Variants in TTC28 observed in about 807,000 individuals in gnomAD.
The protein encoded by TTC28 is tetratricopeptide repeat domain 28.
TTC28 carries 61 observed loss-of-function variants against 198.0 expected under a neutral mutation model. That is an observed-to-expected ratio of 0.31 (90% CI 0.25 to 0.38). TTC28 has a LOEUF of 0.38. TTC28 is among the 10% of genes least tolerant of loss of function. TTC28 has a pLI of 1.00. For missense variants in TTC28, 2,678 were observed against 3,164.0 expected (o/e 0.85, Z 3.69); for synonymous variants, 1,171 against 1,297.8 (o/e 0.90, Z 2.10).
At chr22:28,403,949 T>A (rs1342718446) in intron 2 of TTC28, among the ~76,000 whole-genome samples, 3 of 152,184 alleles carry the variant, frequency 2.0e-5, no homozygotes, top group Admixed American at 2.0e-4. Flanking sequence ...TAAAGAAACA[T>A]CTGCCCAAAA....
At chr22:28,162,999 A>T in intron 6 of TTC28, 93 bp downstream of exon 6, 1 of 1,384,098 alleles carries the variant, frequency 7.2e-7, no homozygotes, top group Non-Finnish European at 9.5e-7. Flanking sequence ...TTTAAATATA[A>T]ACACACAGAT....
chr22:28,469,577 CAGA>C (rs1450914336), intron 2 of TTC28, among the ~76,000 whole-genome samples: 1 of 152,102 alleles, frequency 6.6e-6, no homozygotes, highest in Non-Finnish European at 1.5e-5. Flanking sequence ...GATTTTACTA[CAGA>C]AGAAGAAGGC....
At chr22:28,109,876 T>C (rs1394172549) in intron 6 of TTC28, among the ~76,000 whole-genome samples, 2 of 152,226 alleles carry the variant, frequency 1.3e-5, no homozygotes, top group Non-Finnish European at 2.9e-5. Flanking sequence ...AATGCCAAGA[T>C]GTGTTCTGTT....
intron 5 of TTC28, among the ~76,000 whole-genome samples, chr22:28,180,539 C>A (rs1309365697): frequency 6.6e-6 from 1 of 152,092 alleles, no homozygotes; most frequent in Non-Finnish European, 1.5e-5. Flanking sequence ...CAGAGCCTCC[C>A]TTTAACAACC....
At chr22:28,448,458 A>AAAAATTTGTTCAAATTTTGAACCAATTC (rs1187093926) in intron 2 of TTC28, among the ~76,000 whole-genome samples, 24 of 152,302 alleles carry the variant, frequency 1.6e-4, no homozygotes, top group Non-Finnish European at 1.8e-4. Flanking sequence ...TAGAAATTTG[A>AAAAATTTGTTCAAATTTTGAACCAATTC]AAAATTTGTT....
At chr22:28,529,564 C>T (rs1049786379) in intron 2 of TTC28, among the ~76,000 whole-genome samples, 16 of 152,210 alleles carry the variant, frequency 1.1e-4, no homozygotes, top group Non-Finnish European at 5.9e-5. Context: ...TGTAGTGGTT[C>T]TCCCAGCATG....
chr22:28,053,118 G>C (rs557811592), intron 12 of TTC28, among the ~76,000 whole-genome samples: 1 of 152,194 alleles, frequency 6.6e-6, no homozygotes, highest in Non-Finnish European at 1.5e-5. Context: ...CAAATGTATC[G>C]GCACGTTGGC....
At chr22:28,382,514 T>G (rs2046511955) in intron 2 of TTC28, among the ~76,000 whole-genome samples, 1 of 152,206 alleles carries the variant, frequency 6.6e-6, no homozygotes, top group African/African-American at 2.4e-5. Flanking sequence ...GACTTGACCT[T>G]TGGTAACTGT....
chr22:28,470,799 A>C (rs1391208829), intron 2 of TTC28, among the ~76,000 whole-genome samples: 1 of 152,222 alleles, frequency 6.6e-6, no homozygotes, highest in East Asian at 1.9e-4. Context: ...TAAGGCAATA[A>C]TATAGAAAAA....
rs1362353970 is a variant in TTC28, at chr22:28,108,035, G to A, written c.1810C>T (p.His604Tyr). Residue 604 changes from histidine to tyrosine, a missense_variant, in exon 7 of 23, where the codon CAC becomes TAC. His to Tyr is a moderately conservative substitution (Grantham distance 83). Coordinates refer to ENST00000397906, the MANE Select transcript of TTC28 (RefSeq NM_001145418.2). The stretch of plus-strand genomic sequence containing the variant: ...TGGACATACTCTCCCCGAGAGCAGT[G>A]GAAATTGCCCAGGTTGCTGAGGGCC... ...ARALSNLGNF[H>Y]CSRGEYVQAA... 4.5e-6 allele frequency: 7 copies of A among 1,551,494 alleles called. No individual in the cohort carries two copies. In the Admixed American group the frequency reaches 5.9e-5, roughly 13 times the overall value.
intron 2 of TTC28, among the ~76,000 whole-genome samples, chr22:28,567,852 A>G (rs1299253506): frequency 3.3e-5 from 5 of 152,064 alleles, no homozygotes; most frequent in Admixed American, 2.0e-4. Flanking sequence ...GAAAAACTGC[A>G]TAAGGGGAAC....
At chr22:28,425,563 G>A (rs1238589587) in intron 2 of TTC28, among the ~76,000 whole-genome samples, 1 of 152,204 alleles carries the variant, frequency 6.6e-6, no homozygotes, top group Non-Finnish European at 1.5e-5. Flanking sequence ...TTGAATGGCT[G>A]ATACATTGTG....
intron 2 of TTC28, among the ~76,000 whole-genome samples, chr22:28,502,764 A>AT (rs768170892): frequency 2.0e-4 from 30 of 152,194 alleles, no homozygotes; most frequent in Non-Finnish European, 4.4e-4. Context: ...TACTGCAAAG[A>AT]TTCTCCAATT....
At chr22:28,443,680 G>A (rs909737579) in intron 2 of TTC28, among the ~76,000 whole-genome samples, 1 of 151,894 alleles carries the variant, frequency 6.6e-6, no homozygotes, top group Non-Finnish European at 1.5e-5. Flanking sequence ...CCTTCAGTGC[G>A]AGCACAGCCA....
chr22:28,165,374 T>C (rs1354554082), intron 5 of TTC28, among the ~76,000 whole-genome samples: 2 of 151,896 alleles, frequency 1.3e-5, no homozygotes, highest in Non-Finnish European at 2.9e-5. Flanking sequence ...GACACATAAT[T>C]GTCAGATTCA....
At chr22:28,567,795 T>C (rs77859104) in intron 2 of TTC28, among the ~76,000 whole-genome samples, 3,019 of 151,422 alleles carry the variant, frequency 0.02, 30 homozygotes, top group Non-Finnish European at 0.027. Flanking sequence ...ACGCAAAACA[T>C]AGGCAAAGGG....
chr22:28,330,473 T>C (rs1327680085), intron 2 of TTC28, among the ~76,000 whole-genome samples: 3 of 152,178 alleles, frequency 2.0e-5, no homozygotes, highest in Non-Finnish European at 4.4e-5. Context: ...AGATACCTTT[T>C]TTGCATCAAT....
chr22:28,527,418 C>T (rs1266713149), intron 2 of TTC28, among the ~76,000 whole-genome samples: 2 of 152,154 alleles, frequency 1.3e-5, no homozygotes, highest in Admixed American at 6.5e-5. Flanking sequence ...TTGAAGTTTG[C>T]CTGTGCCCAA....
chr22:28,603,413 G>T, intron 2 of TTC28, among the ~76,000 whole-genome samples: 1 of 151,002 alleles, frequency 6.6e-6, no homozygotes, highest in East Asian at 1.9e-4. Context: ...TTTGAGACAG[G>T]GCTTCACTCT....
Sources: gnomAD v4.1 joint callset for allele counts (sites outside exome capture counted in the v4.1 genomes callset) on GRCh38, gnomAD v4.1.1 for gene constraint, MANE v1.5 for transcripts, NCBI Gene and HGNC (gene_info 2026-07-23, HGNC 2026-07-21) for gene names.